AGBL1: variants seen among roughly 807,000 people sequenced by gnomAD.
The protein encoded by AGBL1 is cytosolic carboxypeptidase 4.
A neutral mutation model predicts 118.9 loss-of-function variants in AGBL1; 130 were observed. That is an observed-to-expected ratio of 1.09 (90% CI 0.95 to 1.26). The LOEUF is 1.26. AGBL1 is among the 50% of genes most tolerant of loss of function. The probability of loss-of-function intolerance (pLI) is 0.00; values close to 1 mark genes in which losing one functional copy is unlikely to be tolerated. For synonymous variants in AGBL1, 555 were observed against 478.9 expected (o/e 1.16, Z -2.08); for missense variants, 1,584 against 1,298.1 (o/e 1.22, Z -3.38).
At position 86,971,995 on chromosome 15, in the gene AGBL1, C is replaced by A. The variant is rs575783403; in HGVS notation, c.3222-15992C>A. On this transcript the variant is annotated intron_variant, in intron 23 of 24. Coordinates refer to the AGBL1 transcript ENST00000441037. ...GGGCCTGCTTCCCCTTCACCTTCTGCCATGATTCTAAGTTCCCTGAGGCTT... is the reference window on the plus strand; with the variant it reads ...GGGCCTGCTTCCCCTTCACCTTCTGACATGATTCTAAGTTCCCTGAGGCTT... 2.0e-5 allele frequency among the ~76,000 whole-genome samples: 3 copies of A among 152,084 alleles called. No homozygotes were observed. The East Asian group carries it at 5.8e-4, about 30-fold the overall frequency.
At chr15:86,300,067 C>T (rs2141794007) in intron 17 of AGBL1, among the ~76,000 whole-genome samples, 1 of 152,212 alleles carries the variant, frequency 6.6e-6, no homozygotes, top group South Asian at 2.1e-4. Context: ...TCTTGGCCTT[C>T]CTATACTTGT....
At chr15:86,345,851 T>C (rs1039764274) in intron 17 of AGBL1, among the ~76,000 whole-genome samples, 4 of 152,196 alleles carry the variant, frequency 2.6e-5, no homozygotes, top group African/African-American at 9.7e-5. Flanking sequence ...ATCAGGGTCA[T>C]TGGCATTTTA....
At chr15:86,246,934 A>G (rs1402804088) in intron 6 of AGBL1, among the ~76,000 whole-genome samples, 1 of 152,156 alleles carries the variant, frequency 6.6e-6, no homozygotes, top group Non-Finnish European at 1.5e-5. Context: ...GGAGGAATGG[A>G]AATCTGGTGG....
At chr15:86,496,109 A>T (rs2142151820) in intron 18 of AGBL1, among the ~76,000 whole-genome samples, 1 of 152,022 alleles carries the variant, frequency 6.6e-6, no homozygotes, top group South Asian at 2.1e-4. Flanking sequence ...TGAGGGACAG[A>T]CCTGGTGGGA....
chr15:86,465,957 A>C (rs115017770), intron 18 of AGBL1, among the ~76,000 whole-genome samples: 2 of 152,130 alleles, frequency 1.3e-5, no homozygotes, highest in Admixed American at 6.6e-5. Context: ...AAAATTGCTA[A>C]TAAAACCTTG....
chr15:86,449,375 T>G (rs7164567), intron 18 of AGBL1, among the ~76,000 whole-genome samples: 4,051 of 152,328 alleles, frequency 0.027, 90 homozygotes, highest in Middle Eastern at 0.071. Flanking sequence ...TCATACTGGC[T>G]GTCTTTCAAG....
intron 21 of AGBL1, among the ~76,000 whole-genome samples, chr15:86,594,244 G>C (rs2084377250): frequency 6.6e-6 from 1 of 151,816 alleles, no homozygotes; most frequent in African/African-American, 2.4e-5. Flanking sequence ...TGCATCCCGG[G>C]GATAAAACAT....
At chr15:86,413,478 C>T (rs1281040281) in intron 18 of AGBL1, among the ~76,000 whole-genome samples, 2 of 152,162 alleles carry the variant, frequency 1.3e-5, no homozygotes, top group Non-Finnish European at 2.9e-5. Flanking sequence ...TAATAATTTA[C>T]ATTCCTATCA....
At chr15:86,619,403 T>A (rs2142406950) in intron 21 of AGBL1, among the ~76,000 whole-genome samples, 1 of 152,298 alleles carries the variant, frequency 6.6e-6, no homozygotes, top group East Asian at 1.9e-4. Context: ...TCTTTTAATG[T>A]CCTAAAACAA....
chr15:86,723,909 G>C (rs1485211826), intron 22 of AGBL1, among the ~76,000 whole-genome samples: 1 of 152,050 alleles, frequency 6.6e-6, no homozygotes, highest in Non-Finnish European at 1.5e-5. Context: ...GCTTGAAAAT[G>C]AGATTATGAG....
chr15:86,577,226 G>A (rs1209270441), intron 21 of AGBL1, among the ~76,000 whole-genome samples: 1 of 152,160 alleles, frequency 6.6e-6, no homozygotes, highest in African/African-American at 2.4e-5. Context: ...GGACCTTGTT[G>A]TGAACTGGAG....
chr15:86,288,520 T>C (rs948366249), intron 16 of AGBL1, among the ~76,000 whole-genome samples: 1 of 152,156 alleles, frequency 6.6e-6, no homozygotes, highest in African/African-American at 2.4e-5. Flanking sequence ...TTATTTTTGC[T>C]GTTTCGAAAA....
At chr15:86,822,776 A>G (rs1191353579) in intron 22 of AGBL1, among the ~76,000 whole-genome samples, 1 of 152,136 alleles carries the variant, frequency 6.6e-6, no homozygotes, top group East Asian at 1.9e-4. Context: ...GTGGATTCCC[A>G]CACCATTACC....
At chr15:86,708,813 T>C (rs1292829001) in intron 22 of AGBL1, among the ~76,000 whole-genome samples, 1 of 152,112 alleles carries the variant, frequency 6.6e-6, no homozygotes, top group Non-Finnish European at 1.5e-5. Context: ...CCTTGTTCAG[T>C]GACTTACTTG....
At chr15:86,683,681 C>G (rs1209371282) in intron 22 of AGBL1, among the ~76,000 whole-genome samples, 1 of 152,154 alleles carries the variant, frequency 6.6e-6, no homozygotes, top group Non-Finnish European at 1.5e-5. Flanking sequence ...AGGCTACCAG[C>G]CCCTGGAAAA....
At chr15:87,030,403 G>GGTAA (rs983745497), downstream of AGBL1, among the ~76,000 whole-genome samples, 1 of 151,948 alleles carries the variant, frequency 6.6e-6, no homozygotes, top group Non-Finnish European at 1.5e-5. Context: ...AGCTTGAACA[G>GGTAA]GTAAGTATTT....
At chr15:86,310,226 T>C (rs1217582326) in intron 17 of AGBL1, among the ~76,000 whole-genome samples, 3 of 152,258 alleles carry the variant, frequency 2.0e-5, no homozygotes. Context: ...GAATTGTTCA[T>C]AGTAGTCGCT....
intron 22 of AGBL1, among the ~76,000 whole-genome samples, chr15:86,897,623 C>G (rs796695866): frequency 2.6e-5 from 4 of 151,960 alleles, no homozygotes; most frequent in African/African-American, 9.6e-5. Context: ...AACTTCACAA[C>G]TCTGATTTTC....
At chr15:87,024,969 G>A (rs1455555487) in intron 24 of AGBL1, among the ~76,000 whole-genome samples, 1 of 151,862 alleles carries the variant, frequency 6.6e-6, no homozygotes, top group African/African-American at 2.4e-5. Context: ...CGACATACAA[G>A]GGACATACCT....
Sources: allele counts gnomAD v4.1 joint callset (sites outside exome capture counted in the v4.1 genomes callset), GRCh38; gene constraint gnomAD v4.1.1; transcripts MANE v1.5; gene names NCBI Gene and HGNC (gene_info 2026-07-23, HGNC 2026-07-21).